The following COL26A1 variants were observed in gnomAD, a reference collection of about 807,000 sequenced individuals.
COL26A1 encodes collagen alpha-1(XXVI) chain.
In COL26A1, 41 loss-of-function variants were observed where a neutral mutation model predicts 59.3. The observed-to-expected ratio is 0.69, with a 90% CI of 0.54 to 0.90. The LOEUF (loss-of-function observed/expected upper bound fraction) is 0.90. Among genes scored for constraint, COL26A1 ranks in the 40% least tolerant of loss-of-function variants. COL26A1 has a pLI of 0.00. For missense variants in COL26A1, 612 were observed against 602.3 expected (o/e 1.02, Z -0.17); for synonymous variants, 266 against 256.0 (o/e 1.04, Z -0.37).
chr7:101,463,874 TTTC>T (rs1793690171), intron 3 of COL26A1, among the ~76,000 whole-genome samples: 1 of 90,564 alleles, frequency 1.1e-5, no homozygotes, highest in African/African-American at 6.0e-5. Context: ...TTTTCTTTTC[TTTC>T]TTTCTTTCTT....
At chr7:101,545,214 C>A in intron 6 of COL26A1, 124 bp from the exon 7 acceptor site, 1 of 803,822 alleles carries the variant, frequency 1.2e-6, no homozygotes, top group Non-Finnish European at 1.9e-6. Flanking sequence ...CGGAGGTCAC[C>A]ACTGACTGCC....
At chr7:101,442,524 A>C (rs186731825) in intron 2 of COL26A1, among the ~76,000 whole-genome samples, 8 of 152,282 alleles carry the variant, frequency 5.3e-5, no homozygotes, top group Non-Finnish European at 8.8e-5. Flanking sequence ...TTCCTTCCTT[A>C]TCTGCCATGC....
At position 101,442,040 on chromosome 7, in the gene COL26A1, T is replaced by C. The variant is rs145013048; in HGVS notation, c.282-5644T>C. On this transcript the variant is annotated intron_variant, in intron 2 of 12. Coordinates refer to ENST00000313669, the MANE Select transcript of COL26A1 (RefSeq NM_001278563.3). Reference sequence around the variant, plus strand: ...TTGCACTCCTGAGCCCAGGGCTCCATTGATCCCATCGTGCAGAGGTTAAGG... The same window carrying C: ...TTGCACTCCTGAGCCCAGGGCTCCACTGATCCCATCGTGCAGAGGTTAAGG... 2.7e-3 allele frequency among the ~76,000 whole-genome samples: 409 copies of C among 152,262 alleles called. 2 individuals are homozygous for C. Among genetic ancestry groups the C allele is most frequent in the African/African-American group, 9.1e-3 (379 of 41,562 alleles).
rs112899121 is a variant in COL26A1, at chr7:101,465,034, C to CTT, written c.385+17264_385+17265dup. ...GCTTTAAGCTTCTAATTCTTTCTTT[C>CTT]TTTTTTTTTTTTTTTTTTGTTGGGA... On this transcript the variant is annotated intron_variant, in intron 3 of 12. Transcript: ENST00000313669. Among the ~76,000 whole-genome samples the CTT allele has an allele frequency of 2.7e-3, 345 of 130,028 alleles. 1 individual carries two copies. The highest frequency in any genetic ancestry group is 9.0e-3 in the African/African-American group (318 of 35,324). 85.3% of individuals were successfully genotyped at this position (130,028 alleles called of 152,430 possible).
At chr7:101,437,459 T>G (rs1176550666) in intron 2 of COL26A1, among the ~76,000 whole-genome samples, 2 of 131,174 alleles carry the variant, frequency 1.5e-5, no homozygotes, top group African/African-American at 3.0e-5. Context: ...GGCGGAGTTC[T>G]GAATGGGGGC....
chr7:101,504,825 G>C (rs1350335156), intron 3 of COL26A1, among the ~76,000 whole-genome samples: 1 of 152,136 alleles, frequency 6.6e-6, no homozygotes, highest in South Asian at 2.1e-4. Flanking sequence ...GTGTGTGTGT[G>C]TATGTGTGTG....
rs553471171 is a variant in COL26A1 at position 101,485,966 on chromosome 7, A to G, written c.385+38179A>G. Among the ~76,000 whole-genome samples, 139 of 152,222 alleles carry G rather than the reference A, an allele frequency of 9.1e-4. 1 individual carries two copies. The highest frequency in any genetic ancestry group is 3.2e-3 in the African/African-American group (133 of 41,526). Reference sequence around the variant, plus strand: ...GGCAGGTGGATCACTTGAGGTCAGAAGTTTGAGACCAGCCTGGACAACATG... The same window carrying G: ...GGCAGGTGGATCACTTGAGGTCAGAGGTTTGAGACCAGCCTGGACAACATG... On this transcript the variant is annotated intron_variant, in intron 3 of 12. Coordinates refer to ENST00000313669, the MANE Select transcript of COL26A1 (RefSeq NM_001278563.3).
chr7:101,447,819 C>A, intron 3 of COL26A1, 32 bp downstream of exon 3: 1 of 1,399,602 alleles, frequency 7.1e-7, no homozygotes. Flanking sequence ...CTGCAGGGGG[C>A]CAGGCGTGGG....
At position 101,399,264 on chromosome 7, in the gene COL26A1, C is replaced by T. The variant is rs115906248; in HGVS notation, c.159-20713C>T. Among the ~76,000 whole-genome samples, 200 of 152,128 alleles carry T rather than the reference C, an allele frequency of 1.3e-3. 2 individuals are homozygous for T. The highest frequency in any genetic ancestry group is 4.8e-3 in the African/African-American group (198 of 41,490). ...AAGGCAACAATGAGCTATAATTGTG[C>T]CACTGTACTCCAACATGGGCAACAG... On this transcript the variant is annotated intron_variant, in intron 1 of 12. Transcript: ENST00000313669.
chr7:101,399,321 G>T lies in COL26A1; in HGVS notation c.159-20656G>T, dbSNP rs139199239. ...ACTCTGTCCAAAAATTTTAAAAAAAGGAATATTCTTTCTAATGAGCTTTCT... is the reference window on the plus strand; with the variant it reads ...ACTCTGTCCAAAAATTTTAAAAAAATGAATATTCTTTCTAATGAGCTTTCT... On this transcript the variant is annotated intron_variant, in intron 1 of 12. Transcript: ENST00000313669. Among the ~76,000 whole-genome samples, 308 of 147,456 alleles carry T rather than the reference G, an allele frequency of 2.1e-3. 1 individual carries two copies. The highest frequency in any genetic ancestry group is 6.9e-3 in the Middle Eastern group (2 of 290).
intron 3 of COL26A1, among the ~76,000 whole-genome samples, chr7:101,529,052 G>C (rs1236236762): frequency 1.3e-5 from 2 of 151,922 alleles, no homozygotes; most frequent in Non-Finnish European, 2.9e-5. Context: ...TGTAGTCCCA[G>C]CTACTTGGGA....
At chr7:101,533,259 A>T in intron 4 of COL26A1, 116 bp downstream of exon 4, 1 of 797,148 alleles carries the variant, frequency 1.3e-6, no homozygotes, top group Non-Finnish European at 2.1e-6. Context: ...CGGGTTTCCA[A>T]GCAGGCTTGG....
At chr7:101,466,669 G>C (rs1213978786) in intron 3 of COL26A1, among the ~76,000 whole-genome samples, 1 of 152,110 alleles carries the variant, frequency 6.6e-6, no homozygotes, top group Admixed American at 6.6e-5. Context: ...CAGCCTGGGT[G>C]ACACAGCGAG....
intron 2 of COL26A1, among the ~76,000 whole-genome samples, chr7:101,422,121 G>T (rs1189350076): frequency 2.0e-5 from 3 of 152,088 alleles, no homozygotes; most frequent in African/African-American, 7.2e-5. Flanking sequence ...AGACTAGCAT[G>T]ACCAACATGG....
intron 1 of COL26A1, among the ~76,000 whole-genome samples, chr7:101,405,302 G>A (rs1422252728): frequency 1.3e-5 from 2 of 151,614 alleles, no homozygotes; most frequent in Non-Finnish European, 2.9e-5. Flanking sequence ...TTCTGGTAAG[G>A]AAAGGAGACA....
At chr7:101,554,957 G>T (rs1055134346) in intron 11 of COL26A1, among the ~76,000 whole-genome samples, 10 of 152,028 alleles carry the variant, frequency 6.6e-5, no homozygotes, top group African/African-American at 2.4e-4. Flanking sequence ...AACCCAGTAG[G>T]ATGCTTTTTG....
chr7:101,547,156 A>G lies in COL26A1; in HGVS notation c.857A>G (p.Asn286Ser), dbSNP rs768104250. 1.8e-5 allele frequency: 28 copies of G among 1,591,846 alleles called. No homozygotes were observed. Among genetic ancestry groups the G allele is most frequent in the South Asian group, 1.7e-4 (15 of 86,884 alleles). The stretch of plus-strand genomic sequence containing the variant: ...CCTGGCCGCTCCGCTCTTCCCACAG[A>G]TGGAGACTCAAGGCTGGCCTCTGCC... Reference protein sequence around the residue: ...YSLQPPTDKDNGDSRLASAIV... With the variant: ...YSLQPPTDKDSGDSRLASAIV... The change falls in exon 8 of 13, where the codon AAT becomes AGT. Residue 286 changes from asparagine (N) to serine (S), a missense_variant and splice_region_variant. Coordinates refer to ENST00000313669, the MANE Select transcript of COL26A1 (RefSeq NM_001278563.3).
intron 2 of COL26A1, among the ~76,000 whole-genome samples, chr7:101,442,418 C>T (rs2015839): frequency 0.14 from 21,955 of 151,552 alleles, 2,974 homozygotes; most frequent in African/African-American, 0.36. Context: ...CCTCCGCCTC[C>T]CGGGTTCAAG....
intron 3 of COL26A1, among the ~76,000 whole-genome samples, chr7:101,477,817 G>C (rs1230647211): frequency 2.0e-5 from 3 of 152,080 alleles, no homozygotes; most frequent in African/African-American, 7.2e-5. Context: ...ATTGTGGGAG[G>C]GGTGTTCTGC....
Sources: allele counts gnomAD v4.1 joint callset (sites outside exome capture counted in the v4.1 genomes callset), GRCh38; gene constraint gnomAD v4.1.1; transcripts MANE v1.5; gene names NCBI Gene and HGNC (gene_info 2026-07-23, HGNC 2026-07-21).